UXS1: variants seen among roughly 807,000 people sequenced by gnomAD.
The protein encoded by UXS1 is UDP-glucuronate decarboxylase 1.
UXS1 carries 33 observed loss-of-function variants against 62.6 expected under a neutral mutation model. That is an observed-to-expected ratio of 0.53 (90% CI 0.40 to 0.70). The LOEUF is 0.70. Ranked by LOEUF, UXS1 falls within the 30% of genes least tolerant of loss-of-function variation. The pLI is 0.00. For synonymous variants in UXS1, 213 were observed against 206.8 expected, an observed-to-expected ratio of 1.03 and a Z score of -0.26; for missense variants, 434 against 556.3, an observed-to-expected ratio of 0.78 and a Z score of 2.21.
At chr2:106,164,368 A>ATGTGGATG (rs1413362080) in intron 3 of UXS1, among the ~76,000 whole-genome samples, 18 of 4,042 alleles carry the variant, frequency 4.5e-3, no homozygotes, top group South Asian at 0.019. Context: ...CCATCTGTGC[A>ATGTGGATG]CGTGGCCTAG....
At chr2:106,178,687 T>C (rs1573576753) in intron 1 of UXS1, among the ~76,000 whole-genome samples, 1 of 152,274 alleles carries the variant, frequency 6.6e-6, no homozygotes, top group Non-Finnish European at 1.5e-5. Flanking sequence ...ACATTCCACA[T>C]GGAGTAGGGC....
intron 6 of UXS1, among the ~76,000 whole-genome samples, chr2:106,137,721 G>C (rs971574915): frequency 6.6e-6 from 1 of 152,056 alleles, no homozygotes; most frequent in African/African-American, 2.4e-5. Flanking sequence ...CTTGAACCTG[G>C]GAGGCAGAGG....
rs1220299369 is a variant in UXS1, at chr2:106,166,127, CT to C, written c.95-45del. ...AGGAAGTCAATGTTTAAGTCCACAA[CT>C]TTCAGGGATTCCAATGGATGGAATC... is the stretch of plus-strand genomic sequence containing the variant. On this transcript the variant is annotated intron_variant, in intron 1 of 14. Transcript: ENST00000283148. 1.9e-6 allele frequency: 3 copies of C among 1,582,544 alleles called. No homozygotes were observed. In the African/African-American group the frequency reaches 4.1e-5, roughly 22 times the overall value.
intron 13 of UXS1, chr2:106,097,175 T>C (rs1450844658): frequency 2.1e-6 from 1 of 468,870 alleles, no homozygotes; most frequent in Non-Finnish European, 4.2e-6. Context: ...CCACCGAGCA[T>C]GACCCCGGTG....
intron 1 of UXS1, among the ~76,000 whole-genome samples, chr2:106,176,565 G>A (rs1683893022): frequency 6.6e-6 from 1 of 152,196 alleles, no homozygotes; most frequent in Non-Finnish European, 1.5e-5. Context: ...CCAAAGAGTG[G>A]CAGCTGCTGA....
chr2:106,151,008 T>C (rs1681968733), intron 5 of UXS1, among the ~76,000 whole-genome samples: 1 of 152,218 alleles, frequency 6.6e-6, no homozygotes, highest in Non-Finnish European at 1.5e-5. Context: ...TTGGGACCAG[T>C]TACCCTGTTC....
rs778402635 is a variant in UXS1, at chr2:106,194,270, T to C, written c.-29A>G. On this transcript the variant is annotated 5_prime_UTR_variant, in exon 1 of 15. Coordinates refer to ENST00000283148, the MANE Select transcript of UXS1 (RefSeq NM_001253875.2). ...CGGGAGCCGCGCGGGTCCAGGGCCC[T>C]ACCGCGCGGGGGCCCGCCTGCTGCA... 2.9e-5 allele frequency: 35 copies of C among 1,194,566 alleles called. 1 individual carries two copies. Among genetic ancestry groups the C allele is most frequent in the Admixed American group, 1.1e-4 (3 of 28,062 alleles). 74.0% of individuals were successfully genotyped at this position (1,194,566 alleles called of 1,614,324 possible).
chr2:106,113,961 G>A (rs942775359), intron 9 of UXS1, among the ~76,000 whole-genome samples: 22 of 152,054 alleles, frequency 1.4e-4, no homozygotes, highest in Admixed American at 1.3e-3. Flanking sequence ...TTTCAATTTC[G>A]GCCAACACCT....
intron 6 of UXS1, chr2:106,138,828 C>T: frequency 3.0e-6 from 3 of 985,482 alleles, no homozygotes; most frequent in Non-Finnish European, 3.6e-6. Context: ...ACCCCCCTCT[C>T]CTTTGAGAAT....
intron 5 of UXS1, among the ~76,000 whole-genome samples, chr2:106,154,390 T>C (rs945141828): frequency 7.2e-5 from 11 of 152,142 alleles, no homozygotes; most frequent in Non-Finnish European, 1.5e-4. Context: ...TATTTGAAAA[T>C]AGAGCCCCTA....
At chr2:106,105,938 G>A (rs1678027490) in intron 10 of UXS1, among the ~76,000 whole-genome samples, 1 of 152,096 alleles carries the variant, frequency 6.6e-6, no homozygotes, top group Admixed American at 6.5e-5. Flanking sequence ...CCGCCTGACA[G>A]CAAAAAAGAG....
chr2:106,096,593 G>A (rs1386808819), intron 14 of UXS1, 125 bp downstream of exon 14: 10 of 714,544 alleles, frequency 1.4e-5, no homozygotes, highest in South Asian at 1.2e-4. Context: ...CCCTCTATCT[G>A]CCTGGATGCC....
intron 1 of UXS1, among the ~76,000 whole-genome samples, chr2:106,174,025 A>G (rs897821841): frequency 4.3e-5 from 6 of 140,000 alleles, no homozygotes; most frequent in Admixed American, 7.9e-5. Flanking sequence ...CCTGGGGAGT[A>G]GCGTGAAGAT....
chr2:106,192,551 G>A (rs1177904922), intron 1 of UXS1, among the ~76,000 whole-genome samples: 5 of 45,988 alleles, frequency 1.1e-4, no homozygotes, highest in African/African-American at 3.5e-4. Context: ...GCGAGACTCC[G>A]TCTCAAAAAA....
chr2:106,169,092 C>T (rs1471143555), intron 1 of UXS1, among the ~76,000 whole-genome samples: 6 of 152,194 alleles, frequency 3.9e-5, no homozygotes, highest in African/African-American at 1.4e-4. Flanking sequence ...TGGTGAACAC[C>T]TGGGTCAGTC....
At chr2:106,096,304 A>G (rs1456510714) in intron 14 of UXS1, among the ~76,000 whole-genome samples, 1 of 151,932 alleles carries the variant, frequency 6.6e-6, no homozygotes, top group Non-Finnish European at 1.5e-5. Flanking sequence ...GTGTGAATGT[A>G]TATGTATGTG....
At chr2:106,189,570 C>A (rs1329229626) in intron 1 of UXS1, among the ~76,000 whole-genome samples, 7 of 152,306 alleles carry the variant, frequency 4.6e-5, no homozygotes, top group Admixed American at 4.6e-4. Context: ...ACTGGCACAA[C>A]AACCATGTGA....
chr2:106,186,308 C>T (rs1684546235), intron 1 of UXS1, among the ~76,000 whole-genome samples: 1 of 152,160 alleles, frequency 6.6e-6, no homozygotes, highest in Admixed American at 6.6e-5. Context: ...GTGGGACCAG[C>T]CCAGACACTA....
At chr2:106,129,864 G>T in intron 6 of UXS1, 86 bp from the exon 7 acceptor site, 2 of 706,620 alleles carry the variant, frequency 2.8e-6, no homozygotes, top group Non-Finnish European at 4.5e-6. Context: ...TATAATAAAC[G>T]TATTAGTATA....
Sources: gnomAD v4.1 joint callset for allele counts (sites outside exome capture counted in the v4.1 genomes callset) on GRCh38, gnomAD v4.1.1 for gene constraint, MANE v1.5 for transcripts, NCBI Gene and HGNC (gene_info 2026-07-23, HGNC 2026-07-21) for gene names.